Variants in NAV2 observed in about 807,000 individuals in gnomAD.
NAV2 encodes the protein neuron navigator 2.
In NAV2, 54 loss-of-function variants were observed where a neutral mutation model predicts 223.2. That is an observed-to-expected ratio of 0.24 (90% CI 0.19 to 0.30). The LOEUF is 0.30. Among genes scored for constraint, NAV2 ranks in the 10% least tolerant of loss-of-function variants. The probability of loss-of-function intolerance (pLI) is 1.00; values close to 1 mark genes in which losing one functional copy is unlikely to be tolerated. For synonymous variants in NAV2, 1,279 were observed against 1,239.3 expected (o/e 1.03, Z -0.67); for missense variants, 2,806 against 3,147.5 (o/e 0.89, Z 2.60).
At chr11:19,849,185 C>A (rs1024420512) in intron 3 of NAV2, among the ~76,000 whole-genome samples, 4 of 152,176 alleles carry the variant, frequency 2.6e-5, no homozygotes, top group Non-Finnish European at 4.4e-5. Flanking sequence ...GTCCCAGATT[C>A]TTTACCTAGG....
intron 1 of NAV2, among the ~76,000 whole-genome samples, chr11:19,443,534 C>A (rs1851478267): frequency 6.6e-6 from 1 of 152,220 alleles, no homozygotes; most frequent in South Asian, 2.1e-4. Context: ...CATCTGCCAG[C>A]AGCTTGTGGT....
intron 1 of NAV2, among the ~76,000 whole-genome samples, chr11:19,537,603 G>T (rs1477350356): frequency 6.6e-6 from 1 of 152,162 alleles, no homozygotes; most frequent in Non-Finnish European, 1.5e-5. Flanking sequence ...TTTAGAATTG[G>T]CTCAGCAGCC....
intron 36 of NAV2, among the ~76,000 whole-genome samples, chr11:20,110,412 C>T (rs2062522410): frequency 6.6e-6 from 1 of 152,218 alleles, no homozygotes; most frequent in South Asian, 2.1e-4. Context: ...TTTTTGAGGG[C>T]CTGCTACTTG....
chr11:19,665,632 A>ATTAT (rs1262313570), intron 1 of NAV2, among the ~76,000 whole-genome samples: 1 of 152,196 alleles, frequency 6.6e-6, no homozygotes, highest in African/African-American at 2.4e-5. Context: ...GGGCATTACT[A>ATTAT]TTATTATACC....
At chr11:19,354,174 G>A (rs1853482768) in intron 1 of NAV2, among the ~76,000 whole-genome samples, 1 of 152,160 alleles carries the variant, frequency 6.6e-6, no homozygotes, top group African/African-American at 2.4e-5. Context: ...CCTTGTGCCA[G>A]GCACCTTTCT....
chr11:19,492,083 G>A (rs1182919510), intron 1 of NAV2, among the ~76,000 whole-genome samples: 1 of 152,124 alleles, frequency 6.6e-6, no homozygotes, highest in African/African-American at 2.4e-5. Context: ...GGCACAGTTT[G>A]TGGTACCCAA....
At chr11:19,501,698 A>G (rs2042967029) in intron 1 of NAV2, among the ~76,000 whole-genome samples, 1 of 151,780 alleles carries the variant, frequency 6.6e-6, no homozygotes, top group African/African-American at 2.4e-5. Flanking sequence ...CTTAGTGTAA[A>G]GATACTAGAT....
chr11:19,927,556 A>T (rs925037792), intron 6 of NAV2, among the ~76,000 whole-genome samples: 2 of 151,688 alleles, frequency 1.3e-5, no homozygotes, highest in Admixed American at 6.6e-5. Context: ...CAAGAGTGAA[A>T]CTCTGTCTCA....
At chr11:19,585,969 G>T (rs2045884615) in intron 1 of NAV2, among the ~76,000 whole-genome samples, 1 of 152,208 alleles carries the variant, frequency 6.6e-6, no homozygotes, top group South Asian at 2.1e-4. Context: ...ATATCCTGCA[G>T]AGTGTTTTCC....
At chr11:19,406,699 A>C (rs1191105967) in intron 1 of NAV2, among the ~76,000 whole-genome samples, 1 of 152,146 alleles carries the variant, frequency 6.6e-6, no homozygotes, top group African/African-American at 2.4e-5. Context: ...TGTCGTCACC[A>C]CTGGCTTATA....
At chr11:19,972,123 C>T (rs2049305055) in intron 10 of NAV2, among the ~76,000 whole-genome samples, 1 of 152,324 alleles carries the variant, frequency 6.6e-6, no homozygotes, top group African/African-American at 2.4e-5. Context: ...ATCACTGTAT[C>T]TTTAATAGCT....
chr11:20,023,205 C>T lies in NAV2; in HGVS notation c.2769-12754C>T, dbSNP rs867972848. 21 of 1,349,402 alleles carry T rather than the reference C, an allele frequency of 1.6e-5. No homozygotes were observed. In the Middle Eastern group the frequency reaches 8.2e-4, roughly 53 times the overall value. 83.6% of individuals were successfully genotyped at this position (1,349,402 alleles called of 1,614,324 possible). ...CATGTACTGCCTTGTCTTCCTTGGC[C>T]GGTATTGAAAAGCCTGGTGGAGCAG... On this transcript the variant is annotated intron_variant, in intron 11 of 37. Transcript: ENST00000349880.
intron 19 of NAV2, among the ~76,000 whole-genome samples, chr11:20,061,758 T>G (rs2058722121): frequency 6.6e-6 from 1 of 152,202 alleles, no homozygotes; most frequent in Non-Finnish European, 1.5e-5. Context: ...TAAACAAATA[T>G]TCTGCTATAT....
chr11:19,553,726 C>G (rs1165254199), intron 1 of NAV2, among the ~76,000 whole-genome samples: 1 of 152,230 alleles, frequency 6.6e-6, no homozygotes, highest in Non-Finnish European at 1.5e-5. Context: ...GAGATTGAAT[C>G]CAGCCTTTGC....
intron 1 of NAV2, among the ~76,000 whole-genome samples, chr11:19,806,792 A>G (rs2058590073): frequency 6.6e-6 from 1 of 152,176 alleles, no homozygotes; most frequent in African/African-American, 2.4e-5. Context: ...CTCACCATAT[A>G]ATAGATTTTC....
intron 1 of NAV2, among the ~76,000 whole-genome samples, chr11:19,688,696 G>C (rs2049088444): frequency 6.6e-6 from 1 of 152,186 alleles, no homozygotes; most frequent in Non-Finnish European, 1.5e-5. Context: ...TACTAAGAGA[G>C]CTTTTGTGGG....
chr11:19,635,218 T>A (rs574582901), intron 1 of NAV2, among the ~76,000 whole-genome samples: 1 of 152,222 alleles, frequency 6.6e-6, no homozygotes, highest in Non-Finnish European at 1.5e-5. Flanking sequence ...GACCAGAGTG[T>A]ACAGGCGATA....
intron 1 of NAV2, among the ~76,000 whole-genome samples, chr11:19,507,696 C>T (rs567197953): frequency 3.9e-5 from 6 of 152,168 alleles, no homozygotes; most frequent in African/African-American, 7.2e-5. Flanking sequence ...TCTATGATGC[C>T]GATGATATTA....
At chr11:19,528,311 T>G (rs1309961852) in intron 1 of NAV2, among the ~76,000 whole-genome samples, 1 of 152,202 alleles carries the variant, frequency 6.6e-6, no homozygotes, top group Non-Finnish European at 1.5e-5. Flanking sequence ...TTCATGACCT[T>G]CTGGTCTTTG....
Sources: allele counts gnomAD v4.1 joint callset (sites outside exome capture counted in the v4.1 genomes callset), GRCh38; gene constraint gnomAD v4.1.1; transcripts MANE v1.5; gene names NCBI Gene and HGNC (gene_info 2026-07-23, HGNC 2026-07-21).